The following AGTPBP1 variants were observed in gnomAD, a reference collection of about 807,000 sequenced individuals.
The protein encoded by AGTPBP1 is cytosolic carboxypeptidase 1.
A neutral mutation model predicts 143.9 loss-of-function variants in AGTPBP1; 70 were observed. The observed-to-expected ratio is 0.49, with a 90% CI of 0.40 to 0.59. AGTPBP1 has a LOEUF of 0.59. AGTPBP1 is among the 20% of genes least tolerant of loss of function. AGTPBP1 has a pLI of 0.00. For synonymous variants in AGTPBP1, 463 were observed against 500.2 expected (o/e 0.93, Z 0.99); for missense variants, 1,229 against 1,464.5 (o/e 0.84, Z 2.62).
intron 6 of AGTPBP1, among the ~76,000 whole-genome samples, chr9:85,675,137 C>A (rs937032472): frequency 2.0e-5 from 3 of 152,118 alleles, no homozygotes; most frequent in Non-Finnish European, 4.4e-5. Flanking sequence ...ACCTCGTGAT[C>A]TGCCCACCTT....
intron 25 of AGTPBP1, among the ~76,000 whole-genome samples, chr9:85,557,693 C>T (rs1366464999): frequency 6.6e-6 from 1 of 152,186 alleles, no homozygotes; most frequent in African/African-American, 2.4e-5. Flanking sequence ...GTATTAGACA[C>T]TACTGTTAAC....
chr9:85,596,937 T>C (rs1211654290), intron 17 of AGTPBP1, among the ~76,000 whole-genome samples: 1 of 152,138 alleles, frequency 6.6e-6, no homozygotes, highest in Non-Finnish European at 1.5e-5. Flanking sequence ...AAATATAAAG[T>C]ATACTTTCTT....
chr9:85,587,732 G>GCACT (rs1174137233), intron 21 of AGTPBP1, among the ~76,000 whole-genome samples: 5 of 152,194 alleles, frequency 3.3e-5, no homozygotes, highest in Admixed American at 3.3e-4. Flanking sequence ...TTTCAGAGTG[G>GCACT]CACTACAGAG....
chr9:85,732,720 T>A (rs1838971448), intron 1 of AGTPBP1, among the ~76,000 whole-genome samples: 1 of 152,124 alleles, frequency 6.6e-6, no homozygotes, highest in South Asian at 2.1e-4. Context: ...TCCAACTGTA[T>A]GTTGTCTGCA....
the AGTPBP1 span, among the ~76,000 whole-genome samples, chr9:85,800,464 T>A: frequency 6.6e-6 from 1 of 152,184 alleles, no homozygotes; most frequent in South Asian, 2.1e-4. Context: ...TGATCACTCA[T>A]CCATCTGCTT....
intron 6 of AGTPBP1, among the ~76,000 whole-genome samples, chr9:85,676,324 A>G (rs892837466): frequency 6.6e-6 from 1 of 152,168 alleles, no homozygotes; most frequent in Non-Finnish European, 1.5e-5. Flanking sequence ...AAAAAACCAG[A>G]ATATATAAGG....
chr9:85,707,483 A>G (rs2134432906), intron 2 of AGTPBP1, among the ~76,000 whole-genome samples: 1 of 152,332 alleles, frequency 6.6e-6, no homozygotes, highest in East Asian at 1.9e-4. Context: ...ATAAACTTTC[A>G]ACCAGGCTGA....
At chr9:85,802,239 A>G in the AGTPBP1 span, among the ~76,000 whole-genome samples, 1 of 152,136 alleles carries the variant, frequency 6.6e-6, no homozygotes, top group African/African-American at 2.4e-5. Flanking sequence ...CAGTCACTCT[A>G]CCGTCTTTCC....
chr9:85,585,679 T>A (rs1450145892), intron 22 of AGTPBP1, 85 bp from the exon 23 acceptor site: 1 of 1,078,246 alleles, frequency 9.3e-7, no homozygotes, highest in South Asian at 2.3e-5. Context: ...CCAATAAACA[T>A]GTAGGTCTGT....
the AGTPBP1 span, chr9:85,764,613 T>G: frequency 1.7e-6 from 1 of 583,828 alleles, no homozygotes; most frequent in Non-Finnish European, 3.1e-6. Flanking sequence ...AAAAATATAT[T>G]CATTTAGCAA....
chr9:85,570,902 G>A (rs1436671430), intron 25 of AGTPBP1, among the ~76,000 whole-genome samples: 2 of 152,170 alleles, frequency 1.3e-5, no homozygotes, highest in African/African-American at 2.4e-5. Flanking sequence ...GTTACACACA[G>A]GCAGGTTGAT....
intron 8 of AGTPBP1, among the ~76,000 whole-genome samples, chr9:85,667,895 G>T (rs978552545): frequency 4.2e-5 from 5 of 119,850 alleles, no homozygotes; most frequent in African/African-American, 1.7e-4. Flanking sequence ...GAACAAGCAA[G>T]CCAACTGTAA....
intron 2 of AGTPBP1, among the ~76,000 whole-genome samples, chr9:85,706,174 A>G: frequency 6.6e-6 from 1 of 152,056 alleles, no homozygotes; most frequent in East Asian, 1.9e-4. Context: ...TTAATCTAAG[A>G]GAAGGAAGAA....
chr9:85,705,903 G>T (rs2134415009), intron 2 of AGTPBP1, among the ~76,000 whole-genome samples: 2 of 151,990 alleles, frequency 1.3e-5, no homozygotes, highest in East Asian at 3.9e-4. Flanking sequence ...TGTTAGCCAG[G>T]ATGGTCTCGA....
At chr9:85,765,196 C>T in the AGTPBP1 span, 47 of 272,124 alleles carry the variant, frequency 1.7e-4, no homozygotes, top group South Asian at 1.1e-3. Flanking sequence ...GTATATTTGC[C>T]TTCTCAGCTG....
chr9:85,636,962 C>T (rs1011607365), intron 13 of AGTPBP1, among the ~76,000 whole-genome samples: 3 of 151,482 alleles, frequency 2.0e-5, no homozygotes, highest in African/African-American at 7.3e-5. Flanking sequence ...TAAAAACATA[C>T]ACTTACCATA....
At chr9:85,763,274 G>GAAA in the AGTPBP1 span, among the ~76,000 whole-genome samples, 2 of 151,912 alleles carry the variant, frequency 1.3e-5, no homozygotes, top group African/African-American at 4.8e-5. Flanking sequence ...GAAAAAGGAA[G>GAAA]ACTCAGGATT....
chr9:85,767,497 G>A, the AGTPBP1 span, among the ~76,000 whole-genome samples: 135 of 152,124 alleles, frequency 8.9e-4, no homozygotes, highest in African/African-American at 2.9e-3. Context: ...GCAGGCACAC[G>A]CCATCATGCT....
chr9:85,740,392 G>A (rs1197292234), intron 1 of AGTPBP1, among the ~76,000 whole-genome samples: 1 of 152,198 alleles, frequency 6.6e-6, no homozygotes, highest in African/African-American at 2.4e-5. Context: ...AGTCATATTA[G>A]AACTCTGCCT....
Sources: allele counts gnomAD v4.1 joint callset (sites outside exome capture counted in the v4.1 genomes callset), GRCh38; gene constraint gnomAD v4.1.1; transcripts MANE v1.5; gene names NCBI Gene and HGNC (gene_info 2026-07-23, HGNC 2026-07-21).